Variants in PTPRD observed in about 807,000 individuals in gnomAD.
The protein encoded by PTPRD is receptor-type tyrosine-protein phosphatase delta.
PTPRD carries 34 observed loss-of-function variants against 214.5 expected under a neutral mutation model. The ratio of observed to expected loss-of-function variants is 0.16; its 90% CI spans 0.12 to 0.21. The LOEUF (loss-of-function observed/expected upper bound fraction) is 0.21, where lower values mean the gene tolerates loss of function less well. Ranked by LOEUF, PTPRD falls within the 10% of genes least tolerant of loss-of-function variation. The pLI is 1.00. For synonymous variants in PTPRD, 1,128 were observed against 845.7 expected (o/e 1.33, Z -5.79); for missense variants, 2,545 against 2,398.7 (o/e 1.06, Z -1.27).
chr9:9,469,914 A>G (rs1015409067), intron 8 of PTPRD, among the ~76,000 whole-genome samples: 1 of 152,192 alleles, frequency 6.6e-6, no homozygotes, highest in Non-Finnish European at 1.5e-5. Context: ...AATCATTCTC[A>G]GGCTATGGGG....
chr9:8,931,312 T>A (rs541297778), intron 11 of PTPRD, among the ~76,000 whole-genome samples: 1 of 152,128 alleles, frequency 6.6e-6, no homozygotes, highest in Non-Finnish European at 1.5e-5. Flanking sequence ...TTCTGTTCCA[T>A]TGGTCTATAT....
chr9:10,395,390 T>C (rs1242893141), intron 2 of PTPRD, among the ~76,000 whole-genome samples: 1 of 151,738 alleles, frequency 6.6e-6, no homozygotes, highest in Admixed American at 6.6e-5. Context: ...CTGAGAATGA[T>C]GGTTTGCAGC....
chr9:10,487,505 CTATCTTATAA>C (rs1427131851), intron 2 of PTPRD, among the ~76,000 whole-genome samples: 1 of 152,120 alleles, frequency 6.6e-6, no homozygotes, highest in African/African-American at 2.4e-5. Context: ...CTTGCAAATA[CTATCTTATAA>C]TATCTTATAA....
intron 11 of PTPRD, among the ~76,000 whole-genome samples, chr9:9,004,444 GA>G (rs1468765673): frequency 1.3e-5 from 2 of 151,546 alleles, no homozygotes; most frequent in African/African-American, 4.8e-5. Context: ...AAACTCTCTG[GA>G]ATTCGAAAAT....
At chr9:9,902,829 G>C (rs1381572742) in intron 5 of PTPRD, among the ~76,000 whole-genome samples, 3 of 152,084 alleles carry the variant, frequency 2.0e-5, no homozygotes, top group African/African-American at 4.8e-5. Flanking sequence ...GCACACTGTA[G>C]TATGAATTGC....
chr9:8,325,705 C>G lies in PTPRD; in HGVS notation c.5535-5739G>C, dbSNP rs540660558. ...GGCCATTTTCACGATATTGATTCTT[C>G]CTATCCGTGAGCATGGAATGTTCTT... On this transcript the variant is annotated intron_variant, in intron 44 of 45. Coordinates refer to ENST00000381196, the MANE Select transcript of PTPRD (RefSeq NM_002839.4). Among the ~76,000 whole-genome samples the G allele has an allele frequency of 2.6e-4, 40 of 152,050 alleles. No homozygotes were observed. The South Asian group carries it at 8.1e-3, about 31-fold the overall frequency.
chr9:9,759,974 G>T (rs1020948970), intron 6 of PTPRD, among the ~76,000 whole-genome samples: 1 of 151,828 alleles, frequency 6.6e-6, no homozygotes, highest in African/African-American at 2.4e-5. Context: ...CTCTAACCTG[G>T]TGTTGTACAT....
intron 5 of PTPRD, among the ~76,000 whole-genome samples, chr9:9,930,548 T>C (rs1038894740): frequency 1.1e-4 from 17 of 152,144 alleles, no homozygotes; most frequent in Admixed American, 6.5e-4. Flanking sequence ...AGAAAAAGCA[T>C]TGAAACAGAA....
intron 10 of PTPRD, among the ~76,000 whole-genome samples, chr9:9,084,901 T>C (rs766520078): frequency 1.6e-4 from 25 of 152,190 alleles, no homozygotes; most frequent in Non-Finnish European, 2.1e-4. Context: ...AGCCACTTTC[T>C]CATATGTATT....
intron 2 of PTPRD, among the ~76,000 whole-genome samples, chr9:10,527,564 A>T (rs2054691203): frequency 6.6e-6 from 1 of 152,214 alleles, no homozygotes; most frequent in Admixed American, 6.5e-5. Context: ...TAATACATGT[A>T]GAATAGCTTA....
At chr9:9,479,224 C>CAA (rs1555458054) in intron 8 of PTPRD, among the ~76,000 whole-genome samples, 1 of 103,416 alleles carries the variant, frequency 9.7e-6, no homozygotes, top group African/African-American at 3.5e-5. Context: ...CGCCCCCCCC[C>CAA]CCCCCACACA....
At chr9:9,768,978 G>C (rs1019776902) in intron 5 of PTPRD, among the ~76,000 whole-genome samples, 1 of 152,104 alleles carries the variant, frequency 6.6e-6, no homozygotes, top group African/African-American at 2.4e-5. Flanking sequence ...TTTTCTGATA[G>C]GCACATACAC....
intron 9 of PTPRD, among the ~76,000 whole-genome samples, chr9:9,343,743 C>G (rs1025635740): frequency 6.6e-6 from 1 of 151,018 alleles, no homozygotes; most frequent in South Asian, 2.1e-4. Flanking sequence ...TTGAGGACTT[C>G]AGGTCTATTT....
intron 36 of PTPRD, among the ~76,000 whole-genome samples, chr9:8,396,672 T>C (rs552070309): frequency 2.0e-5 from 3 of 152,228 alleles, no homozygotes; most frequent in South Asian, 2.1e-4. Flanking sequence ...CTTTTTCTCT[T>C]TTCCGGGTAA....
chr9:9,548,289 G>T (rs183432887), intron 8 of PTPRD, among the ~76,000 whole-genome samples: 3 of 151,646 alleles, frequency 2.0e-5, no homozygotes, highest in Non-Finnish European at 4.4e-5. Context: ...ATTCACAATT[G>T]CATTAAAGAA....
At chr9:9,326,859 G>A (rs925133118) in intron 9 of PTPRD, among the ~76,000 whole-genome samples, 1 of 152,138 alleles carries the variant, frequency 6.6e-6, no homozygotes, top group East Asian at 1.9e-4. Context: ...GCCTTCTGGT[G>A]TAGAGGAGTT....
chr9:9,017,075 A>C (rs904901942), intron 11 of PTPRD, among the ~76,000 whole-genome samples: 40 of 151,898 alleles, frequency 2.6e-4, no homozygotes, highest in African/African-American at 9.7e-4. Context: ...TAACCAAATA[A>C]TTTTCTCCAA....
intron 5 of PTPRD, chr9:9,800,520 A>C (rs1463092662): frequency 6.6e-6 from 1 of 152,216 alleles, no homozygotes; most frequent in East Asian, 1.9e-4. Flanking sequence ...AAGATCCTTT[A>C]ATGATTTATA....
chr9:10,395,132 G>C (rs1027650717), intron 2 of PTPRD, among the ~76,000 whole-genome samples: 1 of 149,910 alleles, frequency 6.7e-6, no homozygotes, highest in Admixed American at 6.7e-5. Flanking sequence ...TAAAGTTCTA[G>C]GGTACATGTG....
Sources: allele counts gnomAD v4.1 joint callset (sites outside exome capture counted in the v4.1 genomes callset), GRCh38; gene constraint gnomAD v4.1.1; transcripts MANE v1.5; gene names NCBI Gene and HGNC (gene_info 2026-07-23, HGNC 2026-07-21).